PRPF18: variants seen among roughly 807,000 people sequenced by gnomAD.
The protein encoded by PRPF18 is pre-mRNA-splicing factor 18.
In PRPF18, 38 loss-of-function variants were observed where a neutral mutation model predicts 46.5. The observed-to-expected ratio is 0.82, with a 90% CI of 0.63 to 1.07. The LOEUF (loss-of-function observed/expected upper bound fraction) is 1.07. Among genes scored for constraint, PRPF18 ranks in the 50% least tolerant of loss-of-function variants. The probability of loss-of-function intolerance (pLI) is 0.00; values close to 1 mark genes in which losing one functional copy is unlikely to be tolerated. For synonymous variants in PRPF18, 152 were observed against 146.7 expected, an observed-to-expected ratio of 1.04 and a Z score of -0.26; for missense variants, 263 against 410.0, an observed-to-expected ratio of 0.64 and a Z score of 3.10.
At chr10:13,608,372 C>T (rs549431632) in intron 4 of PRPF18, among the ~76,000 whole-genome samples, 12 of 150,986 alleles carry the variant, frequency 7.9e-5, no homozygotes, top group African/African-American at 2.0e-4. Flanking sequence ...TGGCCAGGCC[C>T]GCTCCCCGAC....
chr10:13,642,451 C>G, the PRPF18 span: 1 of 152,212 alleles, frequency 6.6e-6, no homozygotes, highest in Non-Finnish European at 1.5e-5. Flanking sequence ...AAATAAAGAG[C>G]TGGCTGTTTG....
the PRPF18 span, chr10:13,654,082 G>T: frequency 2.2e-6 from 1 of 457,080 alleles, no homozygotes; most frequent in Non-Finnish European, 3.8e-6. Context: ...CTGGCATTTT[G>T]AGTCAGCCTG....
the PRPF18 span, chr10:13,648,912 TGCTCTGAGG>T: frequency 6.6e-6 from 1 of 152,136 alleles, no homozygotes; most frequent in East Asian, 1.9e-4. Flanking sequence ...TCCTGTGAGT[TGCTCTGAGG>T]GGAAAAAAAG....
In PRPF18 at chr10:13,610,192, T is replaced by C. The variant is rs1589128578; in HGVS notation, c.510+7T>C. The C allele has an allele frequency of 1.9e-6, 3 of 1,611,746 alleles. No individual in the cohort carries two copies. The highest frequency in any genetic ancestry group is 2.5e-6 in the Non-Finnish European group (3 of 1,178,408). On this transcript the variant is annotated splice_region_variant and intron_variant, in intron 5 of 9. Coordinates refer to ENST00000378572, the MANE Select transcript of PRPF18 (RefSeq NM_003675.4). Reference sequence around the variant, plus strand: ...CACAATTGAAGAGTTAGAGGTAATCTCTACACCAAGCCCAGCACATCCCTG... The same window carrying C: ...CACAATTGAAGAGTTAGAGGTAATCCCTACACCAAGCCCAGCACATCCCTG...
chr10:13,615,215 C>T (rs2080322594), intron 8 of PRPF18, among the ~76,000 whole-genome samples: 2 of 152,216 alleles, frequency 1.3e-5, no homozygotes, highest in African/African-American at 4.8e-5. Flanking sequence ...GCACATCACT[C>T]CCTGCTAGAA....
chr10:13,590,172 A>G (rs2079937127), intron 1 of PRPF18, among the ~76,000 whole-genome samples: 2 of 152,026 alleles, frequency 1.3e-5, no homozygotes, highest in African/African-American at 4.8e-5. Flanking sequence ...ATAATATATA[A>G]ACTTTTCCTG....
downstream of PRPF18, among the ~76,000 whole-genome samples, chr10:13,634,932 C>T (rs1242366135): frequency 6.6e-6 from 1 of 151,976 alleles, no homozygotes; most frequent in African/African-American, 2.4e-5. Flanking sequence ...GCAGGATGTG[C>T]AGGTTTGTTG....
the PRPF18 span, chr10:13,640,654 C>T: frequency 6.6e-6 from 1 of 152,492 alleles, no homozygotes; most frequent in African/African-American, 2.4e-5. Context: ...TTAATAGCAC[C>T]TTCTCAGCTT....
chr10:13,613,370 G>C (rs1461661914), intron 6 of PRPF18, among the ~76,000 whole-genome samples: 16 of 152,146 alleles, frequency 1.1e-4, no homozygotes, highest in African/African-American at 3.9e-4. Flanking sequence ...TACAGCATAT[G>C]TAGAAAGTCC....
At chr10:13,638,299 C>CTTTTTTTTTTT in the PRPF18 span, among the ~76,000 whole-genome samples, 5 of 125,038 alleles carry the variant, frequency 4.0e-5, no homozygotes, top group Non-Finnish European at 5.1e-5. Context: ...CTTGGCTTTT[C>CTTTTTTTTTTT]TTTTTTTTTT....
At chr10:13,649,206 C>A in the PRPF18 span, 3 of 152,324 alleles carry the variant, frequency 2.0e-5, no homozygotes, top group Non-Finnish European at 2.9e-5. Context: ...ACAACATAAT[C>A]TGCTTCAGAG....
chr10:13,638,453 G>C, the PRPF18 span, among the ~76,000 whole-genome samples: 1 of 152,010 alleles, frequency 6.6e-6, no homozygotes, highest in Non-Finnish European at 1.5e-5. Flanking sequence ...ATAAGGAATT[G>C]GTTGAAACAG....
At chr10:13,618,420 G>A (rs914579096) in intron 9 of PRPF18, among the ~76,000 whole-genome samples, 1 of 151,834 alleles carries the variant, frequency 6.6e-6, no homozygotes, top group Non-Finnish European at 1.5e-5. Context: ...CTGAGGCCAG[G>A]AGTTTAAGAC....
At chr10:13,652,213 C>CACATCATAGCAAACAGTTTATGCCA in the PRPF18 span, 1 of 564,414 alleles carries the variant, frequency 1.8e-6, no homozygotes, top group Non-Finnish European at 3.2e-6. Flanking sequence ...CATTTTGTAT[C>CACATCATAGCAAACAGTTTATGCCA]ACATCATAGC....
At chr10:13,612,275 T>A (rs2080280206) in intron 6 of PRPF18, among the ~76,000 whole-genome samples, 1 of 152,052 alleles carries the variant, frequency 6.6e-6, no homozygotes, top group African/African-American at 2.4e-5. Flanking sequence ...TTGGTAGAGT[T>A]GCTTATTTTT....
At chr10:13,646,045 C>T in the PRPF18 span, 1 of 152,466 alleles carries the variant, frequency 6.6e-6, no homozygotes, top group South Asian at 2.1e-4. Flanking sequence ...CTAACAGTAC[C>T]CTCTACGACT....
At chr10:13,645,719 T>C in the PRPF18 span, 1 of 152,560 alleles carries the variant, frequency 6.6e-6, no homozygotes, top group Non-Finnish European at 1.5e-5. Context: ...TCTTTCTACC[T>C]AAGGGCATAG....
chr10:13,625,045 C>A (rs1183022077), intron 9 of PRPF18, among the ~76,000 whole-genome samples: 1 of 152,056 alleles, frequency 6.6e-6, no homozygotes, highest in Admixed American at 6.6e-5. Flanking sequence ...TAATTAATAT[C>A]CTTAGAGGCC....
At chr10:13,598,801 A>T (rs559832190) in intron 2 of PRPF18, among the ~76,000 whole-genome samples, 35 of 152,198 alleles carry the variant, frequency 2.3e-4, no homozygotes, top group Non-Finnish European at 4.0e-4. Flanking sequence ...AGAATCACTT[A>T]CATAGGTTTA....
Sources: gnomAD v4.1 joint callset for allele counts (sites outside exome capture counted in the v4.1 genomes callset) on GRCh38, gnomAD v4.1.1 for gene constraint, MANE v1.5 for transcripts, NCBI Gene and HGNC (gene_info 2026-07-23, HGNC 2026-07-21) for gene names.